The following CFAP52 variants were observed in gnomAD, a reference collection of about 807,000 sequenced individuals.
CFAP52 encodes the protein cilia and flagella associated protein 52, also known as cilia- and flagella-associated protein 52.
In CFAP52, 57 loss-of-function variants were observed where a neutral mutation model predicts 70.5. The observed-to-expected ratio is 0.81, with a 90% CI of 0.65 to 1.01. The LOEUF is 1.01. CFAP52 is among the 50% of genes least tolerant of loss of function. CFAP52 has a pLI of 0.00. For missense variants in CFAP52, 785 were observed against 788.5 expected, an observed-to-expected ratio of 1.00 and a Z score of 0.05; for synonymous variants, 267 against 292.5, an observed-to-expected ratio of 0.91 and a Z score of 0.89.
chr17:9,586,676 G>A (rs1466892806), intron 2 of CFAP52, 22 bp from the exon 3 acceptor site: 4 of 1,595,958 alleles, frequency 2.5e-6, no homozygotes, highest in Non-Finnish European at 8.5e-7. Flanking sequence ...CCTATGATCT[G>A]ACGGTGTGTT....
chr17:9,604,165 A>T (rs1394550190), intron 6 of CFAP52, among the ~76,000 whole-genome samples: 1 of 152,234 alleles, frequency 6.6e-6, no homozygotes, highest in Admixed American at 6.5e-5. Context: ...AAAATGGATT[A>T]CAGACCTAAA....
intron 13 of CFAP52, 48 bp from the exon 14 acceptor site, chr17:9,642,975 C>T (rs1357114910): frequency 2.8e-6 from 4 of 1,448,524 alleles, no homozygotes; most frequent in Non-Finnish European, 3.7e-6. Flanking sequence ...AGGGCTGTTT[C>T]TCTCTCTCCT....
chr17:9,636,071 G>A (rs1910763476), intron 11 of CFAP52, among the ~76,000 whole-genome samples: 1 of 152,000 alleles, frequency 6.6e-6, no homozygotes, highest in South Asian at 2.1e-4. Flanking sequence ...CTACTTGGGA[G>A]GCTGAGGCAG....
Position 9,586,043 on chromosome 17 carries a change from A to G in CFAP52, c.270+71A>G, listed in dbSNP as rs1367301194. The G allele has an allele frequency of 1.1e-5, 17 of 1,496,112 alleles. No homozygotes were observed. The East Asian group carries it at 3.8e-4, about 34-fold the overall frequency. 92.7% of individuals were successfully genotyped at this position (1,496,112 alleles called of 1,614,324 possible). ...CTCCCTAGAAGAACTGCCCCACTTC[A>G]AGTTGTTAGTTCTATGTGGCAATGT... On this transcript the variant is annotated intron_variant, in intron 2 of 13. Coordinates refer to ENST00000352665, the MANE Select transcript of CFAP52 (RefSeq NM_145054.5).
At chr17:9,605,289 G>C (rs1361855205) in intron 6 of CFAP52, among the ~76,000 whole-genome samples, 1 of 152,126 alleles carries the variant, frequency 6.6e-6, no homozygotes, top group African/African-American at 2.4e-5. Context: ...ATAAAGTCAG[G>C]AAAAGACTTT....
intron 7 of CFAP52, among the ~76,000 whole-genome samples, chr17:9,611,131 C>T (rs1288912503): frequency 1.3e-5 from 2 of 152,208 alleles, no homozygotes; most frequent in African/African-American, 4.8e-5. Flanking sequence ...ATCTCTAAAA[C>T]ACTGTATTTC....
chr17:9,594,754 C>A (rs77186622), intron 4 of CFAP52, among the ~76,000 whole-genome samples: 1 of 152,144 alleles, frequency 6.6e-6, no homozygotes, highest in Non-Finnish European at 1.5e-5. Context: ...AAAATAATTA[C>A]GGGCAGGATC....
At chr17:9,639,773 G>A (rs28720726) in intron 12 of CFAP52, among the ~76,000 whole-genome samples, 5,108 of 152,272 alleles carry the variant, frequency 0.034, 268 homozygotes, top group African/African-American at 0.12. Context: ...CAGCATCTGA[G>A]TGAGGCCTGA....
At chr17:9,630,358 C>T (rs868626345) in intron 9 of CFAP52, among the ~76,000 whole-genome samples, 14 of 149,690 alleles carry the variant, frequency 9.4e-5, no homozygotes, top group African/African-American at 3.2e-4. Context: ...CGTGAGCCAC[C>T]GCACCTGGAC....
At chr17:9,609,180 G>A (rs189543109) in intron 7 of CFAP52, among the ~76,000 whole-genome samples, 3 of 152,156 alleles carry the variant, frequency 2.0e-5, no homozygotes, top group Admixed American at 6.5e-5. Context: ...GAACATTCAC[G>A]GGGTACCAGG....
chr17:9,586,322 G>T (rs1022002689), intron 2 of CFAP52, among the ~76,000 whole-genome samples: 14 of 152,134 alleles, frequency 9.2e-5, no homozygotes, highest in Non-Finnish European at 2.1e-4. Flanking sequence ...CCAGCACTTT[G>T]GGAGGCCTAG....
chr17:9,630,768 C>T (rs114602679), intron 9 of CFAP52, among the ~76,000 whole-genome samples: 2,674 of 150,308 alleles, frequency 0.018, 79 homozygotes, highest in African/African-American at 0.062. Context: ...GGGGTTTCGC[C>T]TGAGGTCAGG....
chr17:9,633,160 G>T, intron 10 of CFAP52, 127 bp downstream of exon 10: 1 of 1,104,316 alleles, frequency 9.1e-7, no homozygotes, highest in Non-Finnish European at 1.3e-6. Flanking sequence ...TTGACATTTT[G>T]ATGAGATCTG....
intron 11 of CFAP52, among the ~76,000 whole-genome samples, chr17:9,637,281 A>G (rs1267356987): frequency 3.9e-5 from 6 of 152,346 alleles, no homozygotes; most frequent in African/African-American, 1.4e-4. Context: ...GGGAAAATAT[A>G]GAACTAGAAG....
At chr17:9,593,810 C>G (rs1332814961) in intron 3 of CFAP52, among the ~76,000 whole-genome samples, 2 of 151,876 alleles carry the variant, frequency 1.3e-5, no homozygotes, top group Non-Finnish European at 2.9e-5. Context: ...ACTAAAAATA[C>G]AAGAATTACC....
At chr17:9,606,579 C>G (rs1909498819) in intron 6 of CFAP52, among the ~76,000 whole-genome samples, 1 of 152,210 alleles carries the variant, frequency 6.6e-6, no homozygotes, top group African/African-American at 2.4e-5. Flanking sequence ...TTGGAAATCT[C>G]CTGGCTTGCA....
intron 8 of CFAP52, among the ~76,000 whole-genome samples, chr17:9,622,552 A>AAGAAGAAG (rs113311384): frequency 9.2e-4 from 139 of 151,470 alleles, no homozygotes; most frequent in Middle Eastern, 6.8e-3. Flanking sequence ...ATTAAAAAAA[A>AAGAAGAAG]AAGAAGAAGA....
intron 4 of CFAP52, among the ~76,000 whole-genome samples, chr17:9,595,195 C>T (rs1179672657): frequency 6.6e-6 from 1 of 151,888 alleles, no homozygotes; most frequent in African/African-American, 2.4e-5. Flanking sequence ...TGTTATATAC[C>T]AGTTCAGAGG....
intron 6 of CFAP52, among the ~76,000 whole-genome samples, chr17:9,602,481 T>C (rs1347192657): frequency 6.6e-6 from 1 of 152,226 alleles, no homozygotes; most frequent in Non-Finnish European, 1.5e-5. Context: ...TGCATAGTAT[T>C]CCATGGTGTA....
Sources: allele counts gnomAD v4.1 joint callset (sites outside exome capture counted in the v4.1 genomes callset), GRCh38; gene constraint gnomAD v4.1.1; transcripts MANE v1.5; gene names NCBI Gene and HGNC (gene_info 2026-07-23, HGNC 2026-07-21).